The following DLC1 variants were observed in gnomAD, a reference collection of about 807,000 sequenced individuals.
The protein encoded by DLC1 is DLC1 Rho GTPase activating protein.
A neutral mutation model predicts 140.3 loss-of-function variants in DLC1; 54 were observed. That is an observed-to-expected ratio of 0.38 (90% CI 0.31 to 0.48). DLC1 has a LOEUF of 0.48. DLC1 is among the 20% of genes least tolerant of loss of function. The pLI, the probability that DLC1 is intolerant of heterozygous loss-of-function variation, is 0.96. For missense variants in DLC1, 2,536 were observed against 1,907.0 expected, an observed-to-expected ratio of 1.33 and a Z score of -6.14; for synonymous variants, 986 against 728.1, an observed-to-expected ratio of 1.35 and a Z score of -5.70.
At chr8:13,498,871 C>T (rs1798592465) in intron 2 of DLC1, 178 bp downstream of exon 2, 2 of 631,128 alleles carry the variant, frequency 3.2e-6, no homozygotes, top group Middle Eastern at 4.1e-4. Context: ...GATTATTATT[C>T]TTTAATTTTT....
At chr8:13,412,311 A>T (rs771537414) in intron 2 of DLC1, among the ~76,000 whole-genome samples, 24 of 152,124 alleles carry the variant, frequency 1.6e-4, no homozygotes, top group Non-Finnish European at 3.1e-4. Context: ...TGGAAATAGA[A>T]TTTTTTTCCC....
At chr8:13,448,039 T>C (rs1384996678) in intron 2 of DLC1, among the ~76,000 whole-genome samples, 2 of 152,220 alleles carry the variant, frequency 1.3e-5, no homozygotes, top group Non-Finnish European at 2.9e-5. Context: ...GAAGCATGGA[T>C]AACTAAATGT....
At chr8:13,396,787 C>G (rs1404711827) in intron 3 of DLC1, among the ~76,000 whole-genome samples, 1 of 152,144 alleles carries the variant, frequency 6.6e-6, no homozygotes, top group Non-Finnish European at 1.5e-5. Context: ...CTCTTCTGTT[C>G]TCTGTTCAAT....
At chr8:13,371,068 A>T (rs1835703740) in intron 4 of DLC1, among the ~76,000 whole-genome samples, 1 of 152,208 alleles carries the variant, frequency 6.6e-6, no homozygotes, top group African/African-American at 2.4e-5. Context: ...TTTTCAGATC[A>T]AGGAAAAATG....
intron 5 of DLC1, among the ~76,000 whole-genome samples, chr8:13,138,074 A>G (rs1260440844): frequency 6.6e-6 from 1 of 152,160 alleles, no homozygotes; most frequent in South Asian, 2.1e-4. Context: ...TTAATAATTG[A>G]TATTAGTTAT....
chr8:13,543,060 T>C (rs1803540139), intron 1 of DLC1, among the ~76,000 whole-genome samples: 1 of 152,150 alleles, frequency 6.6e-6, no homozygotes, highest in East Asian at 1.9e-4. Flanking sequence ...CAAACCCTAT[T>C]TGACAGTGAT....
At chr8:13,224,920 G>A (rs1317755007) in intron 5 of DLC1, among the ~76,000 whole-genome samples, 3 of 152,180 alleles carry the variant, frequency 2.0e-5, no homozygotes, top group African/African-American at 2.4e-5. Flanking sequence ...GGAAGCTTCT[G>A]TAGGAATTTT....
chr8:13,227,246 G>C (rs1053101254), intron 5 of DLC1, among the ~76,000 whole-genome samples: 3 of 152,042 alleles, frequency 2.0e-5, no homozygotes, highest in Non-Finnish European at 4.4e-5. Flanking sequence ...CTCACCTAGT[G>C]ACTAGCCCAC....
chr8:13,575,589 A>AT (rs1396972694), intron 1 of DLC1, among the ~76,000 whole-genome samples: 1 of 152,104 alleles, frequency 6.6e-6, no homozygotes, highest in Non-Finnish European at 1.5e-5. Flanking sequence ...GCTGTTAAAC[A>AT]TAAAAAAAAA....
intron 2 of DLC1, among the ~76,000 whole-genome samples, chr8:13,466,373 G>A (rs62492255): frequency 0.81 from 123,387 of 152,102 alleles, 51,508 homozygotes; most frequent in Middle Eastern, 0.94. Flanking sequence ...CATGTGTTTT[G>A]TTGAGTTGCC....
In DLC1 at chr8:13,089,962, C is replaced by T. The variant is rs74319440; in HGVS notation, c.4074+290G>A. On this transcript the variant is annotated intron_variant, in intron 15 of 17. Transcript: ENST00000276297. ...TCATAGGATGTTCCGCATCTCAATG[C>T]CATTAGCAAAACATTCTAGGGAAGT... is the stretch of plus-strand genomic sequence containing the variant. 2.4e-3 allele frequency among the ~76,000 whole-genome samples: 369 copies of T among 152,300 alleles called. 1 individual carries two copies. The highest frequency in any genetic ancestry group is 8.6e-3 in the African/African-American group (356 of 41,560).
At chr8:13,453,422 A>ATATTTTTTTTTTTTTTTTTTTTT (rs1554523043) in intron 2 of DLC1, among the ~76,000 whole-genome samples, 1 of 32,566 alleles carries the variant, frequency 3.1e-5, no homozygotes, top group African/African-American at 1.6e-4. Flanking sequence ...ATATATATAT[A>ATATTTTTTTTTTTTTTTTTTTTT]TGTGTATATA....
intron 2 of DLC1, among the ~76,000 whole-genome samples, chr8:13,443,389 G>A (rs1268964807): frequency 2.7e-5 from 4 of 150,232 alleles, no homozygotes; most frequent in Non-Finnish European, 5.9e-5. Context: ...GCCAGGCATG[G>A]TGGCTCACGC....
chr8:13,371,556 G>A (rs1835730526), intron 4 of DLC1, among the ~76,000 whole-genome samples: 1 of 149,152 alleles, frequency 6.7e-6, no homozygotes, highest in South Asian at 2.1e-4. Context: ...GTGGACTTTT[G>A]CACCTTCACG....
intron 1 of DLC1, among the ~76,000 whole-genome samples, chr8:13,539,192 T>G (rs1288641369): frequency 1.3e-5 from 2 of 152,040 alleles, no homozygotes; most frequent in African/African-American, 4.8e-5. Flanking sequence ...TGTGTGTATG[T>G]ATGTATGTAT....
chr8:13,162,260 C>T (rs1013507273), intron 5 of DLC1, among the ~76,000 whole-genome samples: 13 of 152,122 alleles, frequency 8.5e-5, no homozygotes, highest in Non-Finnish European at 1.8e-4. Flanking sequence ...TGAAGAATAT[C>T]GAAATGAAAG....
At chr8:13,304,819 C>T in intron 5 of DLC1, 1 of 975,524 alleles carries the variant, frequency 1.0e-6, no homozygotes, top group Non-Finnish European at 1.2e-6. Context: ...TTTTTTTCTT[C>T]AATACAATTA....
chr8:13,255,191 G>A (rs185855856), intron 5 of DLC1, among the ~76,000 whole-genome samples: 42 of 152,074 alleles, frequency 2.8e-4, no homozygotes, highest in Non-Finnish European at 4.9e-4. Flanking sequence ...GGCTGGTCTC[G>A]AACTCCTGAC....
chr8:13,088,576 C>T lies in DLC1; in HGVS notation c.4203G>A (p.Val1401=), dbSNP rs761907019. The T allele has an allele frequency of 6.2e-7, 1 of 1,614,062 alleles. No homozygotes were observed. The highest frequency in any genetic ancestry group is 1.3e-5 in the African/African-American group (1 of 74,910). Residue 1401 remains valine (V), a synonymous_variant, in exon 16 of 18, where the codon GTG becomes GTA. Coordinates refer to ENST00000276297, the MANE Select transcript of DLC1 (RefSeq NM_182643.3). The part of the protein sequence containing the change: ...LWDVDLLDSK[V]IEILDSQTEI... ...CAGTTTGGCTGTCCAGAATTTCGAT[C>T]ACTTTTGAATCCAACAGGTCTACAT...
Sources: gnomAD v4.1 joint callset for allele counts (sites outside exome capture counted in the v4.1 genomes callset) on GRCh38, gnomAD v4.1.1 for gene constraint, MANE v1.5 for transcripts, NCBI Gene and HGNC (gene_info 2026-07-23, HGNC 2026-07-21) for gene names.